PRKN: variants seen among roughly 807,000 people sequenced by gnomAD.
PRKN encodes E3 ubiquitin-protein ligase parkin.
PRKN carries 56 observed loss-of-function variants against 59.5 expected under a neutral mutation model. The observed-to-expected ratio is 0.94, with a 90% CI of 0.76 to 1.18. The LOEUF is 1.18. Ranked by LOEUF, PRKN falls within the 50% of genes most tolerant of loss-of-function variation. The pLI is 0.00. For missense variants in PRKN, 657 were observed against 596.4 expected (o/e 1.10, Z -1.06); for synonymous variants, 250 against 222.1 (o/e 1.13, Z -1.12).
intron 4 of PRKN, among the ~76,000 whole-genome samples, chr6:162,120,471 T>C (rs1373313480): frequency 2.0e-5 from 3 of 152,172 alleles, no homozygotes; most frequent in African/African-American, 7.2e-5. Flanking sequence ...GAAACATACA[T>C]TTCTGCTCAG....
rs1311703661 is a variant in PRKN, at chr6:161,402,540, T to C, written c.1084-15663A>G. On this transcript the variant is annotated intron_variant, in intron 9 of 11. Coordinates refer to ENST00000366898, the MANE Select transcript of PRKN (RefSeq NM_004562.3). The surrounding 1 kb of genome is among the most constrained non-coding windows in gnomAD (Gnocchi z 4.5). ...CTGGAAGCTGTGGGGGAGCAAAAGA[T>C]GGCTTCCCTCTACCCTCCCAGGTTC... Among the ~76,000 whole-genome samples, 2 of 152,120 alleles carry C rather than the reference T, an allele frequency of 1.3e-5. No individual in the cohort carries two copies. The highest frequency in any genetic ancestry group is 2.9e-5 in the Non-Finnish European group (2 of 68,028).
chr6:161,438,651 A>C (rs569500992), intron 9 of PRKN, among the ~76,000 whole-genome samples: 1 of 152,188 alleles, frequency 6.6e-6, no homozygotes, highest in African/African-American at 2.4e-5. Flanking sequence ...CTTTCAATGC[A>C]TGGGTCATGT....
At chr6:162,612,493 G>C (rs1015964189) in intron 1 of PRKN, among the ~76,000 whole-genome samples, 7 of 150,636 alleles carry the variant, frequency 4.6e-5, no homozygotes, top group Non-Finnish European at 1.0e-4. Context: ...GACAAGTTAA[G>C]ATGCTGACTT....
chr6:161,887,282 C>T (rs1421564427), intron 6 of PRKN, among the ~76,000 whole-genome samples: 1 of 152,102 alleles, frequency 6.6e-6, no homozygotes, highest in Admixed American at 6.6e-5. Context: ...AGAGTATTCA[C>T]TCAATGTATG....
intron 3 of PRKN, among the ~76,000 whole-genome samples, chr6:162,203,991 G>A (rs926715573): frequency 2.0e-5 from 3 of 152,108 alleles, no homozygotes; most frequent in African/African-American, 4.8e-5. Context: ...TTCCCTGTGC[G>A]CGTGTGTGTG....
intron 10 of PRKN, among the ~76,000 whole-genome samples, chr6:161,384,445 A>G (rs1016214712): frequency 1.3e-5 from 2 of 151,966 alleles, no homozygotes; most frequent in Non-Finnish European, 2.9e-5. Flanking sequence ...TGGGAGGCTG[A>G]GGTGGCAGGG....
rs1314576111 is a variant in PRKN at position 161,874,759 on chromosome 6, A to T, written c.735-88851T>A. Reference sequence around the variant, plus strand: ...ACTATATATAAAATATATAATATATATAAAATATATAATATATAAAATGTA... The same window carrying T: ...ACTATATATAAAATATATAATATATTTAAAATATATAATATATAAAATGTA... On this transcript the variant is annotated intron_variant, in intron 6 of 11. Transcript: ENST00000366898. 9.0e-5 allele frequency among the ~76,000 whole-genome samples: 11 copies of T among 121,956 alleles called. 1 individual carries two copies. The highest frequency in any genetic ancestry group is 4.5e-4 in the Admixed American group (5 of 11,020). The allele number at this position is 121,956 out of a possible 152,430, so 80.0% of individuals were successfully genotyped here. A position where few individuals can be genotyped will look rare whatever the true frequency, so the allele number is the denominator to read the frequency against.
chr6:161,786,354 C>T (rs894664558), intron 6 of PRKN, among the ~76,000 whole-genome samples: 1 of 151,864 alleles, frequency 6.6e-6, no homozygotes, highest in Non-Finnish European at 1.5e-5. Context: ...TTTGCTATTC[C>T]CATAGTACCA....
intron 5 of PRKN, among the ~76,000 whole-genome samples, chr6:162,043,101 GCAGAAACC>G (rs1784126674): frequency 6.6e-6 from 1 of 152,124 alleles, no homozygotes; most frequent in African/African-American, 2.4e-5. Flanking sequence ...AGAAGCAAAA[GCAGAAACC>G]CCTGATAAAC....
At chr6:161,472,541 T>A (rs1790846206) in intron 9 of PRKN, among the ~76,000 whole-genome samples, 1 of 152,144 alleles carries the variant, frequency 6.6e-6, no homozygotes, top group Admixed American at 6.6e-5. Flanking sequence ...ACATAGGACC[T>A]GAAATCATAA....
intron 7 of PRKN, among the ~76,000 whole-genome samples, chr6:161,625,766 G>A (rs1022538931): frequency 2.0e-5 from 3 of 152,060 alleles, no homozygotes; most frequent in African/African-American, 7.2e-5. Flanking sequence ...CAGCACACAA[G>A]TGTAAAATTT....
chr6:161,370,773 C>T (rs1242319845), intron 10 of PRKN, among the ~76,000 whole-genome samples: 1 of 152,118 alleles, frequency 6.6e-6, no homozygotes, highest in Non-Finnish European at 1.5e-5. Context: ...TCCATTTAAG[C>T]CTGTTTTCCA....
At chr6:162,214,486 C>T (rs2128076470) in intron 3 of PRKN, among the ~76,000 whole-genome samples, 1 of 152,270 alleles carries the variant, frequency 6.6e-6, no homozygotes, top group East Asian at 1.9e-4. Context: ...ATTTTTAAAT[C>T]TTATTTACAT....
chr6:162,690,400 T>C (rs1226232749), intron 1 of PRKN, among the ~76,000 whole-genome samples: 1 of 152,216 alleles, frequency 6.6e-6, no homozygotes, highest in Non-Finnish European at 1.5e-5. Flanking sequence ...TGTTTCCTTG[T>C]TTACTGCTCG....
rs1791119872 is a variant in PRKN, at chr6:161,802,396, G to GAC, written c.735-16490_735-16489dup. On this transcript the variant is annotated intron_variant, in intron 6 of 11. Transcript: ENST00000366898. ...CCCTCCCCACACAGGCCCCACATAT[G>GAC]ACACACACACACCCCACACAAGCCC... Among the ~76,000 whole-genome samples, 3 of 149,050 alleles carry GAC rather than the reference G, an allele frequency of 2.0e-5. No individual in the cohort carries two copies. The South Asian group carries it at 6.4e-4, about 32-fold the overall frequency.
rs974900578 is a variant in PRKN, at chr6:162,384,675, A to C, written c.171+58635T>G. Among the ~76,000 whole-genome samples, 165 of 150,184 alleles carry C rather than the reference A, an allele frequency of 1.1e-3. 2 individuals carry two copies. Among genetic ancestry groups the C allele is most frequent in the Admixed American group, 1.9e-3 (29 of 15,062 alleles). ...AAAAAAAAAAAAACAAAAAAAAAAA[A>C]CACTCATTATCTGCAAAGCATGCTA... On this transcript the variant is annotated intron_variant, in intron 2 of 11. Transcript: ENST00000366898.
chr6:161,843,886 G>A (rs1793091903), intron 6 of PRKN, among the ~76,000 whole-genome samples: 1 of 152,112 alleles, frequency 6.6e-6, no homozygotes, highest in Admixed American at 6.6e-5. Flanking sequence ...CATCGAGGGT[G>A]AATCTCCCTC....
intron 1 of PRKN, among the ~76,000 whole-genome samples, chr6:162,703,728 C>T (rs181629017): frequency 6.6e-6 from 1 of 152,116 alleles, no homozygotes; most frequent in Admixed American, 6.5e-5. Context: ...GTGAGTAGAG[C>T]CTGATTATGC....
chr6:162,401,959 C>T (rs1383970069), intron 2 of PRKN, among the ~76,000 whole-genome samples: 1 of 152,050 alleles, frequency 6.6e-6, no homozygotes, highest in East Asian at 1.9e-4. Context: ...GTATTTCAAA[C>T]CACAGTGTTG....
Sources: allele counts gnomAD v4.1 joint callset (sites outside exome capture counted in the v4.1 genomes callset), GRCh38; gene constraint gnomAD v4.1.1; non-coding constraint Gnocchi (gnomAD v3.1); transcripts MANE v1.5; gene names NCBI Gene and HGNC (gene_info 2026-07-23, HGNC 2026-07-21).